EIF4E3: variants seen among roughly 807,000 people sequenced by gnomAD.
EIF4E3 encodes eukaryotic translation initiation factor 4E type 3.
A neutral mutation model predicts 31.7 loss-of-function variants in EIF4E3; 26 were observed. The ratio of observed to expected loss-of-function variants is 0.82; its 90% confidence interval spans 0.60 to 1.14. EIF4E3 has a LOEUF of 1.14. Among genes scored for constraint, EIF4E3 ranks in the 50% most tolerant of loss-of-function variants. EIF4E3 has a pLI of 0.00. For missense variants in EIF4E3, 304 were observed against 270.9 expected, an observed-to-expected ratio of 1.12 and a Z score of -0.86; for synonymous variants, 128 against 107.7, an observed-to-expected ratio of 1.19 and a Z score of -1.17.
In EIF4E3 at chr3:71,690,174, A is replaced by G; in HGVS notation, c.473-9T>C. The G allele has an allele frequency of 6.3e-7, 1 of 1,597,408 alleles. No homozygotes were observed. Among genetic ancestry groups the G allele is most frequent in the Non-Finnish European group, 8.5e-7 (1 of 1,173,464 alleles). On this transcript the variant is annotated splice_polypyrimidine_tract_variant and intron_variant, in intron 5 of 6. Coordinates refer to ENST00000425534, the MANE Select transcript of EIF4E3 (RefSeq NM_001134651.2). ...TCCTATTACTTCATCATCTGAGGGGAAGACAGGAAAAAAAAAAAATGAGTG... is the reference window on the plus strand; with the variant it reads ...TCCTATTACTTCATCATCTGAGGGGGAGACAGGAAAAAAAAAAAATGAGTG...
chr3:71,753,082 A>C (rs2049950937), intron 1 of EIF4E3, among the ~76,000 whole-genome samples: 1 of 152,052 alleles, frequency 6.6e-6, no homozygotes. Flanking sequence ...TGAGTCCAGC[A>C]CTGGAAATCA....
chr3:71,715,501 G>C (rs993438045), intron 1 of EIF4E3, among the ~76,000 whole-genome samples: 1 of 152,220 alleles, frequency 6.6e-6, no homozygotes, highest in Non-Finnish European at 1.5e-5. Flanking sequence ...GAGGAGGTGG[G>C]AAAGAAAGCT....
intron 1 of EIF4E3, among the ~76,000 whole-genome samples, chr3:71,734,675 T>C (rs1463259873): frequency 6.6e-6 from 1 of 152,028 alleles, no homozygotes; most frequent in Non-Finnish European, 1.5e-5. Context: ...AGATATAAAT[T>C]AGCAGTGAAA....
At chr3:71,724,547 A>G (rs1169088143) in intron 1 of EIF4E3, among the ~76,000 whole-genome samples, 1 of 151,960 alleles carries the variant, frequency 6.6e-6, no homozygotes, top group East Asian at 1.9e-4. Flanking sequence ...GCCATAATTC[A>G]CCCCCTTCCT....
chr3:71,662,585 A>C, the EIF4E3 span, among the ~76,000 whole-genome samples: 1 of 152,224 alleles, frequency 6.6e-6, no homozygotes, highest in Non-Finnish European at 1.5e-5. Flanking sequence ...TACAAAATGC[A>C]ATGTTAAAAA....
intron 1 of EIF4E3, among the ~76,000 whole-genome samples, chr3:71,744,513 G>A (rs886692565): frequency 8.5e-5 from 13 of 152,304 alleles, no homozygotes; most frequent in Non-Finnish European, 1.9e-4. Context: ...TTGGGAGGCC[G>A]AGGTGGGTGG....
intron 1 of EIF4E3, among the ~76,000 whole-genome samples, chr3:71,747,004 A>C (rs983760026): frequency 3.9e-5 from 6 of 152,246 alleles, no homozygotes; most frequent in Non-Finnish European, 7.3e-5. Flanking sequence ...GTAGGGATAT[A>C]TGACATTTTA....
Position 71,725,101 on chromosome 3 carries a change from G to GGGCCGGGGCGA in EIF4E3, c.176+80_176+90dup. Reference sequence around the variant, plus strand: ...CCGAGGTCTGTGCCACAGCGGAGCGGGGCCGGGGCGAGGGGCCGCGCCGAG... The same window carrying GGGCCGGGGCGA: ...CCGAGGTCTGTGCCACAGCGGAGCGGGGCCGGGGCGAGGCCGGGGCGAGGGGCCGCGCCGAG... On this transcript the variant is annotated intron_variant, in intron 1 of 6. Transcript: ENST00000425534. This position sits in a 1 kb window ranked among gnomAD's most constrained non-coding sequence, Gnocchi z 6.1. 2.2e-6 allele frequency: 2 copies of GGGCCGGGGCGA among 928,236 alleles called. No homozygotes were observed. Among genetic ancestry groups the GGGCCGGGGCGA allele is most frequent in the Non-Finnish European group, 2.6e-6 (2 of 773,624 alleles). 57.5% of individuals were successfully genotyped at this position (928,236 alleles called of 1,614,324 possible).
At chr3:71,750,412 C>G (rs1476790875) in intron 1 of EIF4E3, among the ~76,000 whole-genome samples, 1 of 152,152 alleles carries the variant, frequency 6.6e-6, no homozygotes, top group African/African-American at 2.4e-5. Context: ...CCCTCCCACT[C>G]AGCTATTCAT....
intron 1 of EIF4E3, among the ~76,000 whole-genome samples, chr3:71,712,651 T>A (rs2049398375): frequency 6.8e-6 from 1 of 147,156 alleles, no homozygotes; most frequent in Non-Finnish European, 1.5e-5. Flanking sequence ...GGGGAGATTC[T>A]AGGGCTCAAA....
At chr3:71,690,563 C>G (rs761706372) in intron 5 of EIF4E3, among the ~76,000 whole-genome samples, 4 of 152,184 alleles carry the variant, frequency 2.6e-5, no homozygotes, top group African/African-American at 7.2e-5. Flanking sequence ...TTCCTTGATG[C>G]CTTGCTGTCT....
chr3:71,704,159 T>C (rs951811915), intron 2 of EIF4E3, among the ~76,000 whole-genome samples: 1 of 152,104 alleles, frequency 6.6e-6, no homozygotes, highest in Non-Finnish European at 1.5e-5. Flanking sequence ...AAGTGTGGAG[T>C]TGTGATCATA....
At chr3:71,707,551 C>G (rs962713413) in intron 2 of EIF4E3, among the ~76,000 whole-genome samples, 22 of 152,132 alleles carry the variant, frequency 1.4e-4, no homozygotes, top group African/African-American at 5.1e-4. Flanking sequence ...GCAGAGACAG[C>G]TGAGACAGAA....
downstream of EIF4E3, among the ~76,000 whole-genome samples, chr3:71,671,553 T>C (rs754956936): frequency 6.6e-6 from 1 of 152,142 alleles, no homozygotes; most frequent in Non-Finnish European, 1.5e-5. Context: ...AGAAAGACAC[T>C]TGAAGGATCT....
At chr3:71,711,979 T>C (rs549258170) in intron 1 of EIF4E3, among the ~76,000 whole-genome samples, 1 of 152,124 alleles carries the variant, frequency 6.6e-6, no homozygotes, top group African/African-American at 2.4e-5. Flanking sequence ...CGAGACTCTG[T>C]CTGAAAAAAA....
intron 5 of EIF4E3, among the ~76,000 whole-genome samples, chr3:71,693,482 C>A (rs541391450): frequency 6.6e-6 from 1 of 152,172 alleles, no homozygotes; most frequent in Non-Finnish European, 1.5e-5. Flanking sequence ...ACTGAAGACA[C>A]TTTCCCCTTC....
intron 1 of EIF4E3, among the ~76,000 whole-genome samples, chr3:71,714,076 G>A (rs2049422643): frequency 6.6e-6 from 1 of 152,098 alleles, no homozygotes; most frequent in African/African-American, 2.4e-5. Context: ...GCTGGACGTG[G>A]TGGTGTATGC....
At position 71,710,436 on chromosome 3, in the gene EIF4E3, T is replaced by A; in HGVS notation, c.225A>T (p.Lys75Asn). 6.5e-7 allele frequency: 1 copy of A among 1,549,806 alleles called. No individual in the cohort carries two copies. Among genetic ancestry groups the A allele is most frequent in the Non-Finnish European group, 8.7e-7 (1 of 1,146,262 alleles). ...TAAECASNLK[K>N]IYTVQTVQIF... ...CCTGTACTGTCTGTACTGTGTAGATTTTCTTCAGATTTGATGCGCACTCAG... is the reference window on the plus strand; with the variant it reads ...CCTGTACTGTCTGTACTGTGTAGATATTCTTCAGATTTGATGCGCACTCAG... The change falls in exon 2 of 7, where the codon AAA becomes AAT. Residue 75 changes from lysine to asparagine, a missense_variant. By Grantham distance (94) the Lys-to-Asn change is moderately conservative. Transcript: ENST00000425534.
At chr3:71,716,872 C>G (rs1335995263) in intron 1 of EIF4E3, among the ~76,000 whole-genome samples, 1 of 152,188 alleles carries the variant, frequency 6.6e-6, no homozygotes, top group Non-Finnish European at 1.5e-5. Context: ...ATGGCCCCAG[C>G]TGTCCTGCAG....
Sources: gnomAD v4.1 joint callset for allele counts (sites outside exome capture counted in the v4.1 genomes callset) on GRCh38, gnomAD v4.1.1 for gene constraint, Gnocchi (gnomAD v3.1) non-coding constraint, MANE v1.5 for transcripts, NCBI Gene and HGNC (gene_info 2026-07-23, HGNC 2026-07-21) for gene names.